Variants in MDGA2 observed in about 807,000 individuals in gnomAD.
The protein encoded by MDGA2 is MAM domain containing glycosylphosphatidylinositol anchor 2, also known as MAM domain-containing glycosylphosphatidylinositol anchor protein 2.
In MDGA2, 40 loss-of-function variants were observed where a neutral mutation model predicts 117.8. The observed-to-expected ratio is 0.34, with a 90% CI of 0.26 to 0.44. The LOEUF is 0.44. Ranked by LOEUF, MDGA2 falls within the 20% of genes least tolerant of loss-of-function variation. MDGA2 has a pLI of 1.00. For synonymous variants in MDGA2, 452 were observed against 439.0 expected (o/e 1.03, Z -0.37); for missense variants, 1,123 against 1,250.6 (o/e 0.90, Z 1.54).
intron 1 of MDGA2, among the ~76,000 whole-genome samples, chr14:47,490,384 G>A (rs1297910901): frequency 6.6e-6 from 1 of 151,990 alleles, no homozygotes; most frequent in African/African-American, 2.4e-5. Context: ...CTAATTAAAT[G>A]AAATATTTGA....
At chr14:47,667,877 C>A (rs1012384092) in intron 1 of MDGA2, among the ~76,000 whole-genome samples, 3 of 152,294 alleles carry the variant, frequency 2.0e-5, no homozygotes, top group South Asian at 4.1e-4. Context: ...CCCCAAATTT[C>A]AGCCACACCA....
At chr14:47,656,956 G>A (rs759595238) in intron 1 of MDGA2, among the ~76,000 whole-genome samples, 3 of 152,090 alleles carry the variant, frequency 2.0e-5, no homozygotes, top group South Asian at 2.1e-4. Flanking sequence ...AATTCAAAGC[G>A]ATCCTTTGTA....
chr14:47,173,050 T>C (rs367808776), intron 3 of MDGA2, among the ~76,000 whole-genome samples: 3 of 151,694 alleles, frequency 2.0e-5, no homozygotes, highest in Non-Finnish European at 4.4e-5. Flanking sequence ...AGGGTATCAG[T>C]GATGGAAGAT....
intron 2 of MDGA2, among the ~76,000 whole-genome samples, chr14:47,224,558 T>C (rs986667844): frequency 6.6e-6 from 1 of 152,190 alleles, no homozygotes; most frequent in Non-Finnish European, 1.5e-5. Context: ...CTCCTTTCTA[T>C]TGTTTGCCAA....
intron 3 of MDGA2, among the ~76,000 whole-genome samples, chr14:47,184,913 A>T (rs2139383683): frequency 6.6e-6 from 1 of 151,594 alleles, no homozygotes; most frequent in East Asian, 1.9e-4. Flanking sequence ...GAATGTGTGA[A>T]TTTAAAACCC....
intron 1 of MDGA2, among the ~76,000 whole-genome samples, chr14:47,660,554 G>A (rs1389893906): frequency 1.3e-5 from 2 of 152,150 alleles, no homozygotes; most frequent in Non-Finnish European, 2.9e-5. Flanking sequence ...CTGTCCTCTT[G>A]AACACAACAA....
At chr14:47,380,702 A>T (rs1891599953) in intron 1 of MDGA2, among the ~76,000 whole-genome samples, 1 of 152,058 alleles carries the variant, frequency 6.6e-6, no homozygotes. Flanking sequence ...CAGGCTCTGA[A>T]ATTGAGGCAA....
chr14:46,959,531 T>G (rs1020223031), intron 8 of MDGA2, among the ~76,000 whole-genome samples: 1 of 141,572 alleles, frequency 7.1e-6, no homozygotes, highest in Admixed American at 7.1e-5. Flanking sequence ...TCTGTCAATC[T>G]TTTTTTAACC....
rs530582697 is a variant in MDGA2, at chr14:47,617,753, T to G, written c.280+56764A>C. Among the ~76,000 whole-genome samples, 180 of 152,286 alleles carry G rather than the reference T, an allele frequency of 1.2e-3. 1 individual carries two copies. The highest frequency in any genetic ancestry group is 4.1e-3 in the African/African-American group (169 of 41,564). ...AGGTTACATGCATATTATTTATATA[T>G]TTGCCTATAGCATATTATGTGCAAA... On this transcript the variant is annotated intron_variant, in intron 1 of 16. Transcript: ENST00000399232.
chr14:47,621,439 G>A (rs949009550), intron 1 of MDGA2, among the ~76,000 whole-genome samples: 10 of 151,750 alleles, frequency 6.6e-5, no homozygotes, highest in African/African-American at 2.4e-4. Flanking sequence ...ATCCTCCCAC[G>A]CCAGCCTCCT....
At chr14:47,455,978 C>A (rs1893342932) in intron 1 of MDGA2, among the ~76,000 whole-genome samples, 1 of 150,830 alleles carries the variant, frequency 6.6e-6, no homozygotes, top group Non-Finnish European at 1.5e-5. Flanking sequence ...GCCTGGGCAA[C>A]AAAGTGAGAC....
At chr14:47,032,987 T>C (rs1027800032) in intron 8 of MDGA2, among the ~76,000 whole-genome samples, 4 of 152,172 alleles carry the variant, frequency 2.6e-5, no homozygotes, top group African/African-American at 4.8e-5. Context: ...GGAAGTCACC[T>C]TGGGATGCAG....
chr14:47,288,374 GTT>G (rs1298414411), intron 2 of MDGA2, among the ~76,000 whole-genome samples: 4 of 152,112 alleles, frequency 2.6e-5, no homozygotes, highest in Non-Finnish European at 5.9e-5. Flanking sequence ...ATGGAGAGTT[GTT>G]CTGATTATGT....
intron 1 of MDGA2, among the ~76,000 whole-genome samples, chr14:47,376,800 A>G (rs749627135): frequency 5.9e-5 from 9 of 152,180 alleles, no homozygotes; most frequent in Non-Finnish European, 1.0e-4. Flanking sequence ...GACACTGTAG[A>G]AAAAATGCAG....
chr14:47,355,861 T>A (rs1231261063), intron 1 of MDGA2, among the ~76,000 whole-genome samples: 2 of 152,202 alleles, frequency 1.3e-5, no homozygotes, highest in East Asian at 3.9e-4. Context: ...AGGAGGCAGA[T>A]GCTTCTCTTT....
chr14:47,498,955 A>G (rs1894340311), intron 1 of MDGA2, among the ~76,000 whole-genome samples: 1 of 152,144 alleles, frequency 6.6e-6, no homozygotes, highest in Non-Finnish European at 1.5e-5. Context: ...TTTATAAATC[A>G]TGTAGCAGGG....
chr14:47,506,567 C>A (rs1894517174), intron 1 of MDGA2, among the ~76,000 whole-genome samples: 1 of 152,194 alleles, frequency 6.6e-6, no homozygotes, highest in African/African-American at 2.4e-5. Context: ...GTGTTAAGGT[C>A]ACTGCCTCTG....
At chr14:47,314,501 G>T (rs1267184309) in intron 1 of MDGA2, among the ~76,000 whole-genome samples, 1 of 151,952 alleles carries the variant, frequency 6.6e-6, no homozygotes, top group Non-Finnish European at 1.5e-5. Context: ...AATATAGCAG[G>T]ACCTTATCTC....
In MDGA2 at chr14:46,960,817, T is replaced by C. The variant is rs551014380; in HGVS notation, c.1820-3174A>G. 4.0e-3 allele frequency among the ~76,000 whole-genome samples: 593 copies of C among 149,378 alleles called. 8 individuals carry two copies. Among genetic ancestry groups the C allele is most frequent in the African/African-American group, 0.014 (577 of 40,958 alleles). ...AGAATTATACATATGTATACACATA[T>C]ACATATGTGTACATATAAGTTAAAA... On this transcript the variant is annotated intron_variant, in intron 8 of 16. Transcript: ENST00000399232.
Sources: allele counts gnomAD v4.1 joint callset (sites outside exome capture counted in the v4.1 genomes callset), GRCh38; gene constraint gnomAD v4.1.1; transcripts MANE v1.5; gene names NCBI Gene and HGNC (gene_info 2026-07-23, HGNC 2026-07-21).